Variants in LINGO2 observed in about 807,000 individuals in gnomAD.
The protein encoded by LINGO2 is leucine-rich repeat and immunoglobulin-like domain-containing nogo receptor-interacting protein 2.
LINGO2 carries 14 observed loss-of-function variants against 30.6 expected under a neutral mutation model. The ratio of observed to expected loss-of-function variants is 0.46; its 90% CI spans 0.30 to 0.72. The LOEUF is 0.72. LINGO2 is among the 30% of genes least tolerant of loss of function. The pLI is 0.07. For synonymous variants in LINGO2, 317 were observed against 288.5 expected, an observed-to-expected ratio of 1.10 and a Z score of -1.00; for missense variants, 729 against 751.7, an observed-to-expected ratio of 0.97 and a Z score of 0.35.
At chr9:28,979,918 T>C in the LINGO2 span, among the ~76,000 whole-genome samples, 27 of 152,268 alleles carry the variant, frequency 1.8e-4, no homozygotes, top group African/African-American at 5.5e-4. Flanking sequence ...TATCAGTGAC[T>C]TCTGTATCAG....
chr9:27,989,386 A>T (rs1305406685), intron 5 of LINGO2, among the ~76,000 whole-genome samples: 1 of 151,974 alleles, frequency 6.6e-6, no homozygotes, highest in Non-Finnish European at 1.5e-5. Flanking sequence ...CTTCATCTTC[A>T]AAGCATATAG....
At chr9:28,049,820 T>A (rs1387961406) in intron 4 of LINGO2, among the ~76,000 whole-genome samples, 1 of 150,522 alleles carries the variant, frequency 6.6e-6, no homozygotes, top group African/African-American at 2.5e-5. Context: ...AACTTCTTCA[T>A]CAAGGCTAAA....
intron 4 of LINGO2, among the ~76,000 whole-genome samples, chr9:28,278,744 T>A (rs1823218571): frequency 1.3e-5 from 2 of 152,240 alleles, no homozygotes; most frequent in Admixed American, 6.5e-5. Context: ...GTTGTTTTCA[T>A]GCCTATTAAC....
chr9:28,448,082 G>A (rs144174147), intron 2 of LINGO2, among the ~76,000 whole-genome samples: 1 of 152,184 alleles, frequency 6.6e-6, no homozygotes, highest in Non-Finnish European at 1.5e-5. Flanking sequence ...GCAAATGAAG[G>A]GGGTACGTGC....
intron 5 of LINGO2, among the ~76,000 whole-genome samples, chr9:28,011,684 T>C (rs1822562016): frequency 6.6e-6 from 1 of 152,196 alleles, no homozygotes; most frequent in African/African-American, 2.4e-5. Flanking sequence ...TTCATGACCA[T>C]AGGGATTGCT....
chr9:28,189,703 G>A (rs866015442), intron 4 of LINGO2, among the ~76,000 whole-genome samples: 14 of 137,094 alleles, frequency 1.0e-4, no homozygotes, highest in African/African-American at 2.8e-4. Flanking sequence ...AAGGGAGGGA[G>A]GAAGGAAGGA....
At chr9:28,769,508 ATATATATATATTTTTTTTTT>A in the LINGO2 span, among the ~76,000 whole-genome samples, 4 of 2,832 alleles carry the variant, frequency 1.4e-3, no homozygotes, top group Admixed American at 8.2e-3. Flanking sequence ...ATATATATAT[ATATATATATATTTTTTTTTT>A]TTTTTTTTTT....
At chr9:29,189,320 T>A in the LINGO2 span, among the ~76,000 whole-genome samples, 1 of 148,910 alleles carries the variant, frequency 6.7e-6, no homozygotes, top group African/African-American at 2.5e-5. Context: ...GCGGAGACGC[T>A]CCTCACTTCC....
the LINGO2 span, among the ~76,000 whole-genome samples, chr9:29,082,771 A>C: frequency 2.0e-5 from 3 of 152,336 alleles, no homozygotes; most frequent in South Asian, 6.2e-4. Flanking sequence ...AAGTGGGCGA[A>C]GGATATGAAC....
At chr9:28,903,129 C>A in the LINGO2 span, among the ~76,000 whole-genome samples, 4 of 150,644 alleles carry the variant, frequency 2.7e-5, no homozygotes, top group Admixed American at 1.3e-4. Context: ...AAAGCTTCAG[C>A]TAATCTAAAT....
chr9:28,122,582 A>G (rs2133403730), intron 4 of LINGO2, among the ~76,000 whole-genome samples: 1 of 152,274 alleles, frequency 6.6e-6, no homozygotes, highest in South Asian at 2.1e-4. Flanking sequence ...TTTTCCCACC[A>G]TGTTACAGAA....
the LINGO2 span, among the ~76,000 whole-genome samples, chr9:29,083,863 A>G: frequency 1.3e-5 from 2 of 152,222 alleles, no homozygotes; most frequent in Admixed American, 6.6e-5. Flanking sequence ...GATGGCAATA[A>G]AAGGATCAGC....
Position 28,233,050 on chromosome 9 carries a change from AT to A in LINGO2, c.-87+62157del, listed in dbSNP as rs57302601. Among the ~76,000 whole-genome samples the A allele has an allele frequency of 1.1e-3, 137 of 122,112 alleles. 5 individuals carry two copies. In the South Asian group the frequency reaches 0.026, roughly 23 times the overall value. The allele number at this position is 122,112 out of a possible 152,430, so 80.1% of individuals were successfully genotyped here. A position where few individuals can be genotyped will look rare whatever the true frequency, so the allele number is the denominator to read the frequency against. ...AAACATTATATATATATATATATAT[AT>A]ATATATATATTAGATATATAATAGA... On this transcript the variant is annotated intron_variant, in intron 4 of 5. Transcript: ENST00000379992.
At chr9:28,917,212 C>G in the LINGO2 span, among the ~76,000 whole-genome samples, 1 of 152,048 alleles carries the variant, frequency 6.6e-6, no homozygotes, top group African/African-American at 2.4e-5. Context: ...AAAATAATAA[C>G]TAAAAATTAA....
intron 4 of LINGO2, among the ~76,000 whole-genome samples, chr9:28,189,461 G>A (rs368359965): frequency 0.029 from 493 of 16,776 alleles, 1 homozygote; most frequent in Admixed American, 0.045. Context: ...GGAAGGAAGG[G>A]AGGGAGGAAG....
chr9:28,682,095 T>C, the LINGO2 span, among the ~76,000 whole-genome samples: 2 of 152,198 alleles, frequency 1.3e-5, no homozygotes, highest in Admixed American at 1.3e-4. Context: ...TGCTTGGGCA[T>C]AGCGGTGAGA....
chr9:28,228,327 C>G (rs1230922946), intron 4 of LINGO2, among the ~76,000 whole-genome samples: 1 of 151,982 alleles, frequency 6.6e-6, no homozygotes, highest in Admixed American at 6.6e-5. Flanking sequence ...TTTTACCCAG[C>G]TAACTTTCTA....
chr9:28,512,864 C>T (rs1820467450), intron 1 of LINGO2, among the ~76,000 whole-genome samples: 1 of 151,330 alleles, frequency 6.6e-6, no homozygotes, highest in South Asian at 2.1e-4. Context: ...GGCTGAGAGG[C>T]TAGTCCAGTG....
At chr9:28,176,521 A>G (rs2133688637) in intron 4 of LINGO2, among the ~76,000 whole-genome samples, 1 of 152,292 alleles carries the variant, frequency 6.6e-6, no homozygotes, top group East Asian at 1.9e-4. Context: ...TTCCATTACC[A>G]AGTAGATTAT....
Sources: allele counts gnomAD v4.1 joint callset (sites outside exome capture counted in the v4.1 genomes callset), GRCh38; gene constraint gnomAD v4.1.1; transcripts MANE v1.5; gene names NCBI Gene and HGNC (gene_info 2026-07-23, HGNC 2026-07-21).